PLD5: variants seen among roughly 807,000 people sequenced by gnomAD.
PLD5 encodes the protein inactive phospholipase D5.
A neutral mutation model predicts 61.1 loss-of-function variants in PLD5; 36 were observed. The ratio of observed to expected loss-of-function variants is 0.59; its 90% CI spans 0.45 to 0.78. The LOEUF is 0.78. Ranked by LOEUF, PLD5 falls within the 30% of genes least tolerant of loss-of-function variation. The probability of loss-of-function intolerance (pLI) is 0.00; values close to 1 mark genes in which losing one functional copy is unlikely to be tolerated. For missense variants in PLD5, 515 were observed against 644.4 expected (o/e 0.80, Z 2.17); for synonymous variants, 243 against 242.8 (o/e 1.00, Z -0.01).
At chr1:242,433,543 T>C (rs1665836617) in intron 1 of PLD5, among the ~76,000 whole-genome samples, 1 of 152,228 alleles carries the variant, frequency 6.6e-6, no homozygotes, top group Non-Finnish European at 1.5e-5. Context: ...TATTCATTCA[T>C]TCAATAAATA....
intron 1 of PLD5, among the ~76,000 whole-genome samples, chr1:242,450,149 G>A (rs1666723922): frequency 6.6e-6 from 1 of 152,142 alleles, no homozygotes; most frequent in South Asian, 2.1e-4. Context: ...ACGTTTTATC[G>A]TTTAAAAATT....
At chr1:242,206,439 T>C (rs1383976766) in intron 5 of PLD5, among the ~76,000 whole-genome samples, 1 of 152,190 alleles carries the variant, frequency 6.6e-6, no homozygotes, top group Non-Finnish European at 1.5e-5. Flanking sequence ...AATACATATG[T>C]ACAGTGGATC....
intron 1 of PLD5, among the ~76,000 whole-genome samples, chr1:242,438,558 C>T (rs1248174095): frequency 1.3e-5 from 2 of 151,136 alleles, no homozygotes; most frequent in African/African-American, 4.9e-5. Context: ...GACTCTCCTA[C>T]CTCAGCCTCC....
At chr1:242,151,580 C>T (rs1264604534) in intron 5 of PLD5, among the ~76,000 whole-genome samples, 1 of 151,860 alleles carries the variant, frequency 6.6e-6, no homozygotes, top group Non-Finnish European at 1.5e-5. Flanking sequence ...TCCTGTTTGT[C>T]TTTGGATCTT....
chr1:242,101,442 C>T (rs1215087053), intron 8 of PLD5, among the ~76,000 whole-genome samples: 2 of 152,148 alleles, frequency 1.3e-5, no homozygotes, highest in Non-Finnish European at 2.9e-5. Flanking sequence ...CAGGAATGGC[C>T]AGGCCATGCC....
chr1:242,377,336 T>C (rs1662023371), intron 1 of PLD5: 1 of 1,606,210 alleles, frequency 6.2e-7, no homozygotes, highest in African/African-American at 1.3e-5. Flanking sequence ...TTTTCAGCTT[T>C]TTCAGTGGTT....
In PLD5 at chr1:242,436,521, T is replaced by G. The variant is rs7534490; in HGVS notation, c.189+87567A>C. ...ATCTTTACAACACAACTATGTTAAT[T>G]ATTAAAGACAATAGCTCAAATCCAC... is the stretch of plus-strand genomic sequence containing the variant. On this transcript the variant is annotated intron_variant, in intron 1 of 9. Coordinates refer to ENST00000536534, the MANE Select transcript of PLD5 (RefSeq NM_001372062.1). Among the ~76,000 whole-genome samples the G allele has an allele frequency of 4.4e-3, 670 of 152,170 alleles. 9 individuals carry two copies. The highest frequency in any genetic ancestry group is 0.015 in the African/African-American group (623 of 41,494).
intron 5 of PLD5, among the ~76,000 whole-genome samples, chr1:242,134,031 T>A (rs1002511752): frequency 1.3e-5 from 2 of 152,212 alleles, no homozygotes; most frequent in Non-Finnish European, 2.9e-5. Context: ...GTTGAGGTCA[T>A]TCCAGTTTCA....
chr1:242,358,721 T>A (rs1660897185), intron 1 of PLD5, among the ~76,000 whole-genome samples: 1 of 152,214 alleles, frequency 6.6e-6, no homozygotes, highest in Non-Finnish European at 1.5e-5. Context: ...TGGATTGTGA[T>A]GAATGGACCA....
intron 1 of PLD5, among the ~76,000 whole-genome samples, chr1:242,405,185 C>T (rs535935446): frequency 7.2e-5 from 11 of 152,240 alleles, no homozygotes; most frequent in African/African-American, 2.4e-4. Flanking sequence ...AATCCATTTG[C>T]TACCAGAGCA....
At chr1:242,385,590 C>T (rs1218085626) in intron 1 of PLD5, among the ~76,000 whole-genome samples, 1 of 152,132 alleles carries the variant, frequency 6.6e-6, no homozygotes, top group Non-Finnish European at 1.5e-5. Flanking sequence ...CTGTCTTTTT[C>T]TCAATCCTTT....
intron 1 of PLD5, among the ~76,000 whole-genome samples, chr1:242,374,384 A>C (rs1374403778): frequency 6.6e-6 from 1 of 152,156 alleles, no homozygotes; most frequent in Non-Finnish European, 1.5e-5. Context: ...ATTTTCCTTC[A>C]TCACCAAGGT....
At position 242,297,861 on chromosome 1, in the gene PLD5, G is replaced by C. The variant is rs371463849; in HGVS notation, c.327-9331C>G. Among the ~76,000 whole-genome samples the C allele has an allele frequency of 1.7e-3, 254 of 150,412 alleles. 2 individuals carry two copies. Among genetic ancestry groups the C allele is most frequent in the African/African-American group, 6.1e-3 (250 of 40,844 alleles). On this transcript the variant is annotated intron_variant, in intron 2 of 9. Transcript: ENST00000536534. ...TCACCTTGTTAGCCAGGATGGTCTC[G>C]ATCTCCTGACCTCATGATCCACCCG...
At chr1:242,473,988 A>G (rs989912459) in intron 1 of PLD5, among the ~76,000 whole-genome samples, 2 of 152,162 alleles carry the variant, frequency 1.3e-5, no homozygotes, top group Non-Finnish European at 2.9e-5. Context: ...TTGAGTTTCA[A>G]ATACAAATAA....
intron 4 of PLD5, among the ~76,000 whole-genome samples, chr1:242,236,869 A>G (rs1427395580): frequency 6.6e-6 from 1 of 152,368 alleles, no homozygotes; most frequent in Non-Finnish European, 1.5e-5. Flanking sequence ...AGAAAAATGT[A>G]ATCACTGTTT....
intron 5 of PLD5, among the ~76,000 whole-genome samples, chr1:242,175,064 C>T (rs1362370338): frequency 2.0e-5 from 3 of 151,944 alleles, no homozygotes; most frequent in Non-Finnish European, 4.4e-5. Context: ...CTATTCCAAA[C>T]AATAGAAAAA....
At chr1:242,498,627 T>C (rs1258498321) in intron 1 of PLD5, among the ~76,000 whole-genome samples, 1 of 152,226 alleles carries the variant, frequency 6.6e-6, no homozygotes, top group African/African-American at 2.4e-5. Context: ...ATTTATGTTT[T>C]CTATTAAAAC....
chr1:242,125,747 C>T (rs1381779418), intron 5 of PLD5, among the ~76,000 whole-genome samples: 2 of 152,120 alleles, frequency 1.3e-5, no homozygotes, highest in African/African-American at 4.8e-5. Flanking sequence ...TTCCCCAAGA[C>T]TCTTTACTCA....
At chr1:242,330,437 C>A (rs1358022988) in intron 2 of PLD5, among the ~76,000 whole-genome samples, 2 of 152,136 alleles carry the variant, frequency 1.3e-5, no homozygotes, top group African/African-American at 2.4e-5. Context: ...TTGTTTGAAT[C>A]CAGTTGCCTG....
Sources: allele counts gnomAD v4.1 joint callset (sites outside exome capture counted in the v4.1 genomes callset), GRCh38; gene constraint gnomAD v4.1.1; transcripts MANE v1.5; gene names NCBI Gene and HGNC (gene_info 2026-07-23, HGNC 2026-07-21).